Variants in BARD1 observed in about 807,000 individuals in gnomAD.
BARD1 encodes BRCA1 associated RING domain 1.
A neutral mutation model predicts 77.0 loss-of-function variants in BARD1; 73 were observed. The observed-to-expected ratio is 0.95, with a 90% CI of 0.79 to 1.15. BARD1 has a LOEUF of 1.15. Among genes scored for constraint, BARD1 ranks in the 50% most tolerant of loss-of-function variants. BARD1 has a pLI of 0.00. For synonymous variants in BARD1, 384 were observed against 338.0 expected, an observed-to-expected ratio of 1.14 and a Z score of -1.49; for missense variants, 993 against 938.8, an observed-to-expected ratio of 1.06 and a Z score of -0.75.
At chr2:214,746,819 C>G (rs1168687262) in intron 7 of BARD1, among the ~76,000 whole-genome samples, 1 of 151,994 alleles carries the variant, frequency 6.6e-6, no homozygotes, top group Admixed American at 6.6e-5. Context: ...TCTAAAACAC[C>G]AAAAGCAATG....
At chr2:214,746,556 T>C (rs1179291668) in intron 7 of BARD1, among the ~76,000 whole-genome samples, 1 of 151,836 alleles carries the variant, frequency 6.6e-6, no homozygotes, top group African/African-American at 2.4e-5. Flanking sequence ...GCATTAAAGC[T>C]GAGAAGTGAA....
rs1451563654 is a variant in BARD1 at position 214,725,662 on chromosome 2, A to T, written c.*3014T>A. ...AAACGAAGACAACTTCTCAATATTT[A>T]TTTATTCATTCAGTTTGATGTGCGT... On this transcript the variant is annotated 3_prime_UTR_variant, in exon 11 of 11. Coordinates refer to ENST00000260947, the MANE Select transcript of BARD1 (RefSeq NM_000465.4). 1.4e-5 allele frequency: 3 copies of T among 211,912 alleles called. No individual in the cohort carries two copies. The East Asian group carries it at 2.1e-4, about 15-fold the overall frequency. The allele number at this position is 211,912 out of a possible 1,614,324, so 13.1% of individuals were successfully genotyped here. A position where few individuals can be genotyped will look rare whatever the true frequency, so the allele number is the denominator to read the frequency against.
At chr2:214,797,040 C>A (rs1293065506) in intron 2 of BARD1, 21 bp downstream of exon 2, 2 of 1,581,538 alleles carry the variant, frequency 1.3e-6, no homozygotes, top group South Asian at 2.2e-5. Context: ...GTACTATATA[C>A]ATCAAACCGT....
chr2:214,795,600 C>T (rs1695723262), intron 2 of BARD1, among the ~76,000 whole-genome samples: 1 of 152,012 alleles, frequency 6.6e-6, no homozygotes, highest in African/African-American at 2.4e-5. Flanking sequence ...GAACCTATCA[C>T]AATAGTATGA....
At chr2:214,797,961 A>T (rs1272896417) in intron 1 of BARD1, among the ~76,000 whole-genome samples, 1 of 152,116 alleles carries the variant, frequency 6.6e-6, no homozygotes, top group Non-Finnish European at 1.5e-5. Context: ...ACACACCAAG[A>T]CATTATACTC....
rs190420137 is a variant in BARD1 at position 214,794,365 on chromosome 2, A to G, written c.216-1920T>C. Among the ~76,000 whole-genome samples, 31 of 152,330 alleles carry G rather than the reference A, an allele frequency of 2.0e-4. No individual in the cohort carries two copies. The East Asian group carries it at 6.0e-3, about 29-fold the overall frequency. On this transcript the variant is annotated intron_variant, in intron 2 of 10. Transcript: ENST00000260947. The stretch of plus-strand genomic sequence containing the variant: ...AAATACTTCAATACTTCTTCCAACT[A>G]CAATTATGTATAAAGCCAGATTTTC...
chr2:214,785,745 A>G (rs1330029203), intron 3 of BARD1, among the ~76,000 whole-genome samples: 1 of 151,954 alleles, frequency 6.6e-6, no homozygotes, highest in Admixed American at 6.6e-5. Flanking sequence ...AAGAAAAAGA[A>G]GAACATTAGA....
At chr2:214,776,895 A>G (rs1025774096) in intron 4 of BARD1, among the ~76,000 whole-genome samples, 30 of 152,130 alleles carry the variant, frequency 2.0e-4, no homozygotes, top group African/African-American at 7.2e-4. Context: ...GAAGGACTCA[A>G]TCTGCTGCTG....
Position 214,753,558 on chromosome 2 carries a change from G to C in BARD1, c.1569-1003C>G, listed in dbSNP as rs546917147. ...TGGTATAATACTAATTCTGTAAATT[G>C]TATCAAATGTATAGAAAAAGATCTG... On this transcript the variant is annotated intron_variant, in intron 6 of 10. Coordinates refer to ENST00000260947, the MANE Select transcript of BARD1 (RefSeq NM_000465.4). Among the ~76,000 whole-genome samples the C allele has an allele frequency of 3.9e-5, 6 of 152,140 alleles. No individual in the cohort carries two copies. In the East Asian group the frequency reaches 1.2e-3, roughly 29 times the overall value.
chr2:214,743,355 T>C (rs950161932), intron 9 of BARD1, among the ~76,000 whole-genome samples: 3 of 152,242 alleles, frequency 2.0e-5, no homozygotes, highest in African/African-American at 7.2e-5. Context: ...TTTTATAAAC[T>C]AATTTTAATC....
chr2:214,751,139 ATATATATATATATTTT>A (rs1231337243), intron 7 of BARD1, among the ~76,000 whole-genome samples: 15 of 19,108 alleles, frequency 7.9e-4, no homozygotes, highest in Non-Finnish European at 9.5e-4. Context: ...ATATATATAT[ATATATATATATATTTT>A]TTTTTTTTTT....
intron 9 of BARD1, among the ~76,000 whole-genome samples, chr2:214,743,778 T>G (rs1033515127): frequency 6.6e-6 from 1 of 152,080 alleles, no homozygotes; most frequent in Non-Finnish European, 1.5e-5. Flanking sequence ...CAGAAGGGGG[T>G]TTGCCATGTT....
At chr2:214,733,974 CCT>C (rs1287376048) in intron 9 of BARD1, among the ~76,000 whole-genome samples, 2 of 152,032 alleles carry the variant, frequency 1.3e-5, no homozygotes, top group African/African-American at 2.4e-5. Flanking sequence ...TCAGCTTTTC[CCT>C]CTTTTCCTAC....
chr2:214,746,009 T>C (rs1048721269), intron 7 of BARD1, among the ~76,000 whole-genome samples, 155 bp from the exon 8 acceptor site: 2 of 152,192 alleles, frequency 1.3e-5, no homozygotes, highest in East Asian at 3.8e-4. Context: ...CAGAACCTTT[T>C]AAATAAATTT....
intron 9 of BARD1, among the ~76,000 whole-genome samples, chr2:214,738,907 G>C (rs985416120): frequency 6.6e-6 from 1 of 152,110 alleles, no homozygotes. Flanking sequence ...CACTCTGGGA[G>C]GGTGAAGCAG....
At chr2:214,785,000 A>G (rs949963112) in intron 3 of BARD1, among the ~76,000 whole-genome samples, 1 of 146,380 alleles carries the variant, frequency 6.8e-6, no homozygotes, top group Non-Finnish European at 1.5e-5. Flanking sequence ...TGTTCTGCAC[A>G]TGTATCCCAG....
At chr2:214,737,681 G>A (rs1254089939) in intron 9 of BARD1, among the ~76,000 whole-genome samples, 2 of 152,016 alleles carry the variant, frequency 1.3e-5, no homozygotes, top group East Asian at 1.9e-4. Context: ...AATTCAAATG[G>A]TGATACATTA....
intron 9 of BARD1, 37 bp from the exon 10 acceptor site, chr2:214,730,545 C>G (rs1297265238): frequency 6.7e-7 from 1 of 1,493,774 alleles, no homozygotes; most frequent in South Asian, 1.1e-5. Context: ...AACTAAGTAT[C>G]AAGTGAGCAC....
intron 9 of BARD1, among the ~76,000 whole-genome samples, chr2:214,744,204 T>G (rs1264501564): frequency 6.6e-6 from 1 of 151,976 alleles, no homozygotes; most frequent in Non-Finnish European, 1.5e-5. Context: ...GCTCTGAAGG[T>G]GATGGTGGGT....
Sources: allele counts gnomAD v4.1 joint callset (sites outside exome capture counted in the v4.1 genomes callset), GRCh38; gene constraint gnomAD v4.1.1; transcripts MANE v1.5; gene names NCBI Gene and HGNC (gene_info 2026-07-23, HGNC 2026-07-21).